Variants in TRAPPC9 observed in about 807,000 individuals in gnomAD.
The protein encoded by TRAPPC9 is trafficking protein particle complex subunit 9, also known as IKK2 binding protein.
In TRAPPC9, 83 loss-of-function variants were observed where a neutral mutation model predicts 124.0. The observed-to-expected ratio is 0.67, with a 90% CI of 0.56 to 0.80. The LOEUF (loss-of-function observed/expected upper bound fraction) is 0.80, where lower values mean the gene tolerates loss of function less well. TRAPPC9 is among the 30% of genes least tolerant of loss of function. The pLI is 0.00. For synonymous variants in TRAPPC9, 638 were observed against 617.5 expected (o/e 1.03, Z -0.49); for missense variants, 1,302 against 1,508.3 (o/e 0.86, Z 2.27).
intron 20 of TRAPPC9, among the ~76,000 whole-genome samples, chr8:139,901,686 C>A (rs1158830791): frequency 6.6e-6 from 1 of 152,194 alleles, no homozygotes; most frequent in East Asian, 1.9e-4. Context: ...TAGGCTTCCT[C>A]TGGTAAGTGG....
chr8:139,912,236 T>C (rs1232623483), intron 19 of TRAPPC9, among the ~76,000 whole-genome samples: 1 of 152,246 alleles, frequency 6.6e-6, no homozygotes, highest in Non-Finnish European at 1.5e-5. Context: ...GTATAAATCA[T>C]GATGTATCAT....
chr8:139,732,556 G>A (rs376822403), intron 21 of TRAPPC9, among the ~76,000 whole-genome samples: 21 of 152,236 alleles, frequency 1.4e-4, no homozygotes, highest in Non-Finnish European at 2.8e-4. Context: ...AGGCGAGGGC[G>A]TGGAAGGGGC....
At chr8:140,178,775 T>C (rs1273587627) in intron 17 of TRAPPC9, among the ~76,000 whole-genome samples, 2 of 152,178 alleles carry the variant, frequency 1.3e-5, no homozygotes, top group African/African-American at 4.8e-5. Context: ...TATTTTTGAA[T>C]AATGAACTGA....
chr8:140,316,815 T>C (rs1286202312), intron 9 of TRAPPC9, among the ~76,000 whole-genome samples: 2 of 152,200 alleles, frequency 1.3e-5, no homozygotes, highest in Admixed American at 6.5e-5. Flanking sequence ...TACTAGTTCT[T>C]TGTTAAATGT....
intron 17 of TRAPPC9, among the ~76,000 whole-genome samples, chr8:140,061,501 G>A (rs546305116): frequency 6.6e-6 from 1 of 152,314 alleles, no homozygotes; most frequent in Admixed American, 6.5e-5. Flanking sequence ...GGCACAGTGA[G>A]TACAGAGCCA....
intron 15 of TRAPPC9, among the ~76,000 whole-genome samples, chr8:140,264,568 G>A (rs898496684): frequency 8.0e-5 from 12 of 150,012 alleles, no homozygotes; most frequent in East Asian, 2.0e-4. Context: ...GAAAAAAAAC[G>A]GGGCGGGGGA....
chr8:140,437,452 G>C (rs978343733), intron 3 of TRAPPC9, among the ~76,000 whole-genome samples: 1 of 152,004 alleles, frequency 6.6e-6, no homozygotes, highest in South Asian at 2.1e-4. Flanking sequence ...GCAAAACCCC[G>C]TCTCTACTAA....
At chr8:140,380,654 C>CAAAAAA (rs563391017) in intron 7 of TRAPPC9, among the ~76,000 whole-genome samples, 2 of 48,586 alleles carry the variant, frequency 4.1e-5, no homozygotes, top group African/African-American at 6.0e-5. Flanking sequence ...GACTCTGTCT[C>CAAAAAA]AAAAAAAAAA....
intron 18 of TRAPPC9, among the ~76,000 whole-genome samples, chr8:139,996,158 CAAAAAAAA>C: frequency 0.019 from 360 of 19,456 alleles, 3 homozygotes; most frequent in African/African-American, 0.033. Context: ...AAAACTTAAG[CAAAAAAAA>C]AAAAAAAAAA....
At chr8:139,915,759 T>C (rs990598716) in intron 19 of TRAPPC9, among the ~76,000 whole-genome samples, 7 of 152,186 alleles carry the variant, frequency 4.6e-5, no homozygotes, top group Non-Finnish European at 1.0e-4. Flanking sequence ...AGCTGTCTGC[T>C]AACCCAGAGA....
At chr8:139,837,325 A>T (rs946266310) in intron 21 of TRAPPC9, among the ~76,000 whole-genome samples, 2 of 152,286 alleles carry the variant, frequency 1.3e-5, no homozygotes, top group South Asian at 2.1e-4. Flanking sequence ...CACAGCTGCC[A>T]CGGGGCAGGG....
intron 7 of TRAPPC9, among the ~76,000 whole-genome samples, chr8:140,373,793 A>G (rs1297337406): frequency 6.6e-6 from 1 of 152,102 alleles, no homozygotes; most frequent in Non-Finnish European, 1.5e-5. Context: ...AACCTTTTTC[A>G]TATGATCACT....
chr8:140,015,004 G>A (rs1207826930), intron 18 of TRAPPC9, among the ~76,000 whole-genome samples: 2 of 152,164 alleles, frequency 1.3e-5, no homozygotes, highest in South Asian at 2.1e-4. Context: ...TCAGTGAGAG[G>A]AGCAGACAAA....
intron 17 of TRAPPC9, among the ~76,000 whole-genome samples, chr8:140,213,276 T>C (rs1268188934): frequency 6.6e-6 from 1 of 152,154 alleles, no homozygotes; most frequent in African/African-American, 2.4e-5. Context: ...AGCATTGGTA[T>C]TTTGTGTCTT....
At chr8:140,202,884 C>T (rs1027015799) in intron 17 of TRAPPC9, among the ~76,000 whole-genome samples, 1 of 152,166 alleles carries the variant, frequency 6.6e-6, no homozygotes, top group Admixed American at 6.5e-5. Flanking sequence ...CATACAAATT[C>T]TACTTTAAGG....
chr8:140,067,174 C>T (rs892704289), intron 17 of TRAPPC9, among the ~76,000 whole-genome samples: 3 of 152,152 alleles, frequency 2.0e-5, no homozygotes, highest in Non-Finnish European at 2.9e-5. Flanking sequence ...GACAGATTCT[C>T]GCTCTGTCTC....
At chr8:140,163,893 A>T (rs1435298332) in intron 17 of TRAPPC9, among the ~76,000 whole-genome samples, 1 of 152,264 alleles carries the variant, frequency 6.6e-6, no homozygotes, top group African/African-American at 2.4e-5. Context: ...AAGAAGGTTT[A>T]GCATTAATTA....
intron 9 of TRAPPC9, among the ~76,000 whole-genome samples, chr8:140,338,596 T>C (rs559630044): frequency 4.1e-4 from 62 of 152,334 alleles, no homozygotes; most frequent in African/African-American, 1.5e-3. Flanking sequence ...AAAATGAGTT[T>C]TGCTGGGGTG....
At chr8:139,876,003 C>T (rs560990812) in intron 21 of TRAPPC9, among the ~76,000 whole-genome samples, 89 of 152,342 alleles carry the variant, frequency 5.8e-4, no homozygotes, top group Non-Finnish European at 7.8e-4. Flanking sequence ...TCCTACTGTC[C>T]GGCTAGTGGG....
Sources: allele counts gnomAD v4.1 joint callset (sites outside exome capture counted in the v4.1 genomes callset), GRCh38; gene constraint gnomAD v4.1.1; transcripts MANE v1.5; gene names NCBI Gene and HGNC (gene_info 2026-07-23, HGNC 2026-07-21).